Variants in FAR2 observed in about 807,000 individuals in gnomAD.
FAR2 encodes epididymis secretory protein Li 81.
Under a neutral mutation model 56.0 loss-of-function variants are expected in FAR2, and 19 were observed. The ratio of observed to expected loss-of-function variants is 0.34; its 90% CI spans 0.24 to 0.50. The LOEUF is 0.50. Ranked by LOEUF, FAR2 falls within the 20% of genes least tolerant of loss-of-function variation. FAR2 has a pLI of 0.98. For synonymous variants in FAR2, 219 were observed against 218.8 expected (o/e 1.00, Z -0.01); for missense variants, 508 against 642.2 (o/e 0.79, Z 2.26).
At chr12:29,296,974 G>C in intron 3 of FAR2, 47 bp from the exon 4 acceptor site, 5 of 1,511,666 alleles carry the variant, frequency 3.3e-6, no homozygotes, top group Non-Finnish European at 4.4e-6. Context: ...AGCAAGGCAT[G>C]ATACTGACTT....
chr12:29,239,330 A>C (rs1947988691), intron 1 of FAR2, among the ~76,000 whole-genome samples: 1 of 152,198 alleles, frequency 6.6e-6, no homozygotes, highest in Non-Finnish European at 1.5e-5. Context: ...GAGAACTGGC[A>C]TGAGAAAGGG....
intron 1 of FAR2, among the ~76,000 whole-genome samples, chr12:29,184,387 G>T (rs1950018790): frequency 6.9e-6 from 1 of 145,582 alleles, no homozygotes; most frequent in Non-Finnish European, 1.5e-5. Flanking sequence ...ATATGGGCTG[G>T]TTCCTAAGAA....
In FAR2 at chr12:29,335,123, TAA is replaced by T. The variant is rs904525372; in HGVS notation, c.*1332_*1333del. The T allele has an allele frequency of 7.9e-5, 12 of 152,210 alleles. No homozygotes were observed. The highest frequency in any genetic ancestry group is 2.9e-4 in the African/African-American group (12 of 41,456). The allele number at this position is 152,210 out of a possible 1,614,324, so 9.4% of individuals were successfully genotyped here. On this transcript the variant is annotated 3_prime_UTR_variant, in exon 12 of 12. Transcript: ENST00000536681. ...TAACTAGTTGAAAATGGCATAGGCA[TAA>T]AATGTTAATAAAGAATGGCAGTTAT...
chr12:29,154,347 T>G (rs1949705741), intron 1 of FAR2, among the ~76,000 whole-genome samples: 1 of 152,204 alleles, frequency 6.6e-6, no homozygotes, highest in Non-Finnish European at 1.5e-5. Flanking sequence ...GAAGAAAAGC[T>G]TCCCTGATGA....
At chr12:29,332,764 C>T (rs1462837153) in intron 11 of FAR2, 37 bp downstream of exon 11, 17 of 1,578,134 alleles carry the variant, frequency 1.1e-5, no homozygotes, top group Non-Finnish European at 1.5e-5. Context: ...TATTGAGCAC[C>T]TACTGTGCAT....
intron 1 of FAR2, among the ~76,000 whole-genome samples, chr12:29,181,159 T>C (rs1308248492): frequency 2.0e-5 from 3 of 152,194 alleles, no homozygotes; most frequent in East Asian, 1.9e-4. Context: ...CTTGTAACAA[T>C]TGAGAAACAG....
At chr12:29,205,171 C>A (rs1460320648) in intron 1 of FAR2, among the ~76,000 whole-genome samples, 1 of 152,156 alleles carries the variant, frequency 6.6e-6, no homozygotes, top group Admixed American at 6.5e-5. Flanking sequence ...TGCAAATCAC[C>A]CTTGTTGCTG....
chr12:29,278,649 G>A (rs1948738094), intron 2 of FAR2, among the ~76,000 whole-genome samples: 1 of 152,112 alleles, frequency 6.6e-6, no homozygotes, highest in Non-Finnish European at 1.5e-5. Flanking sequence ...CACCTGGCTA[G>A]AGAACAGACT....
At chr12:29,283,102 A>T (rs1422230871) in intron 2 of FAR2, among the ~76,000 whole-genome samples, 1 of 152,190 alleles carries the variant, frequency 6.6e-6, no homozygotes, top group African/African-American at 2.4e-5. Flanking sequence ...GATCCAATTT[A>T]AATGTTCCAC....
chr12:29,157,656 AC>A, intron 1 of FAR2, among the ~76,000 whole-genome samples: 1 of 152,272 alleles, frequency 6.6e-6, no homozygotes, highest in Middle Eastern at 3.4e-3. Context: ...TTATAAAAAC[AC>A]CCCACATTTT....
intron 1 of FAR2, among the ~76,000 whole-genome samples, chr12:29,261,384 GAAGACAA>G (rs1948415347): frequency 6.6e-6 from 1 of 152,058 alleles, no homozygotes; most frequent in Non-Finnish European, 1.5e-5. Context: ...AATACACAGA[GAAGACAA>G]AAGATAAAAG....
intron 4 of FAR2, among the ~76,000 whole-genome samples, chr12:29,304,854 G>A (rs963725612): frequency 1.3e-5 from 2 of 152,096 alleles, no homozygotes; most frequent in Non-Finnish European, 2.9e-5. Flanking sequence ...TATACTGGAG[G>A]ACATTTAGAT....
At chr12:29,275,699 A>T (rs1948697737) in intron 2 of FAR2, among the ~76,000 whole-genome samples, 1 of 152,126 alleles carries the variant, frequency 6.6e-6, no homozygotes, top group Non-Finnish European at 1.5e-5. Context: ...GTTTCGTGTT[A>T]GTCTGGGAGC....
chr12:29,329,915 T>C (rs1364112596), intron 10 of FAR2, among the ~76,000 whole-genome samples: 1 of 152,198 alleles, frequency 6.6e-6, no homozygotes, highest in African/African-American at 2.4e-5. Flanking sequence ...TCCTACTAAG[T>C]TGCTGTAGTT....
At chr12:29,267,044 T>C (rs1225264606) in intron 1 of FAR2, among the ~76,000 whole-genome samples, 1 of 152,212 alleles carries the variant, frequency 6.6e-6, no homozygotes, top group Non-Finnish European at 1.5e-5. Context: ...CATTTATTTA[T>C]GCCTAATATC....
At chr12:29,249,426 A>G (rs1353035497) in intron 1 of FAR2, among the ~76,000 whole-genome samples, 1 of 152,230 alleles carries the variant, frequency 6.6e-6, no homozygotes, top group Non-Finnish European at 1.5e-5. Context: ...ATCATTAAAT[A>G]GCCATTTGTT....
chr12:29,179,259 G>A (rs1348881459), intron 1 of FAR2, among the ~76,000 whole-genome samples: 1 of 152,198 alleles, frequency 6.6e-6, no homozygotes, highest in Non-Finnish European at 1.5e-5. Flanking sequence ...ATTGCATTGT[G>A]TGTGACTCCT....
chr12:29,297,031 C>G lies in FAR2; in HGVS notation c.376C>G (p.Gln126Glu). 1 of 1,605,740 alleles carries G rather than the reference C, an allele frequency of 6.2e-7. No individual in the cohort carries two copies. Among genetic ancestry groups the G allele is most frequent in the Non-Finnish European group, 8.5e-7 (1 of 1,176,924 alleles). The part of the protein sequence containing the change: ...RFDDTLRHAV[Q>E]LNVTATRQLL... ...CTTAATCTTCTCTAGACATGCTGTGCAACTTAACGTCACTGCCACCCGGCA... is the reference window on the plus strand; with the variant it reads ...CTTAATCTTCTCTAGACATGCTGTGGAACTTAACGTCACTGCCACCCGGCA... Residue 126 changes from glutamine to glutamate, a missense_variant, in exon 4 of 12, where the codon CAA becomes GAA. Transcript: ENST00000536681.
chr12:29,234,099 G>T (rs572759361), intron 1 of FAR2, among the ~76,000 whole-genome samples: 1 of 151,840 alleles, frequency 6.6e-6, no homozygotes, highest in Non-Finnish European at 1.5e-5. Flanking sequence ...CTTCCTCTTC[G>T]ATCTGTCCCT....
Sources: gnomAD v4.1 joint callset for allele counts (sites outside exome capture counted in the v4.1 genomes callset) on GRCh38, gnomAD v4.1.1 for gene constraint, MANE v1.5 for transcripts, NCBI Gene and HGNC (gene_info 2026-07-23, HGNC 2026-07-21) for gene names.